SCAMP5: variants seen among roughly 807,000 people sequenced by gnomAD.
The protein encoded by SCAMP5 is secretory carrier-associated membrane protein 5.
In SCAMP5, 7 loss-of-function variants were observed where a neutral mutation model predicts 28.3. The ratio of observed to expected loss-of-function variants is 0.25; its 90% CI spans 0.14 to 0.46. The LOEUF (loss-of-function observed/expected upper bound fraction) is 0.46. Ranked by LOEUF, SCAMP5 falls within the 20% of genes least tolerant of loss-of-function variation. SCAMP5 has a pLI of 0.99. For synonymous variants in SCAMP5, 117 were observed against 116.4 expected, an observed-to-expected ratio of 1.00 and a Z score of -0.03; for missense variants, 192 against 312.5, an observed-to-expected ratio of 0.61 and a Z score of 2.91.
rs947526954 is a variant in SCAMP5, at chr15:75,020,578, T to G, written c.*1595T>G. ...CTCCCTACCACTTTCAGGAGAGTGG[T>G]TTTAGGCCCGTGGGGCTGTTCTGTT... is the stretch of plus-strand genomic sequence containing the variant. On this transcript the variant is annotated 3_prime_UTR_variant, in exon 7 of 7. Coordinates refer to ENST00000425597, the MANE Select transcript of SCAMP5 (RefSeq NM_138967.4). The G allele has an allele frequency of 6.6e-6, 1 of 152,250 alleles. No individual in the cohort carries two copies. The highest frequency in any genetic ancestry group is 1.5e-5 in the Non-Finnish European group (1 of 68,122). 9.4% of individuals were successfully genotyped at this position (152,250 alleles called of 1,614,324 possible).
chr15:75,017,172 A>T (rs991033638), intron 4 of SCAMP5, among the ~76,000 whole-genome samples: 1 of 152,022 alleles, frequency 6.6e-6, no homozygotes, highest in Non-Finnish European at 1.5e-5. Context: ...GCCATGTACC[A>T]TTGACACTGT....
chr15:75,012,626 T>G (rs2065822113), intron 2 of SCAMP5, 51 bp from the exon 3 acceptor site: 4 of 1,610,244 alleles, frequency 2.5e-6, no homozygotes, highest in Non-Finnish European at 3.4e-6. Context: ...GCGTCTTGGA[T>G]TGTCGGGTGG....
chr15:74,998,605 C>CAA (rs746618976), intron 1 of SCAMP5, among the ~76,000 whole-genome samples: 9 of 85,336 alleles, frequency 1.1e-4, no homozygotes, highest in Admixed American at 2.6e-4. Flanking sequence ...AACTCCATCT[C>CAA]AAAAAAAAAA....
In SCAMP5 at chr15:75,012,759, T is replaced by C. The variant is rs1176249237; in HGVS notation, c.90T>C (p.Pro30=). 1 of 1,613,862 alleles carries C rather than the reference T, an allele frequency of 6.2e-7. No homozygotes were observed. The highest frequency in any genetic ancestry group is 1.1e-5 in the South Asian group (1 of 91,074). The part of the protein sequence containing the change: ...CFYQDFEADI[P]PQHVSMTKRL... ...ACCAAGACTTCGAGGCAGATATTCC[T>C]CCCCAGCATGTCAGCATGACCAAGC... The change falls in exon 3 of 7, where the codon CCT becomes CCC. Residue 30 remains proline, a synonymous_variant. Transcript: ENST00000425597.
At chr15:74,999,764 T>G (rs1303683862) in intron 1 of SCAMP5, among the ~76,000 whole-genome samples, 1 of 152,200 alleles carries the variant, frequency 6.6e-6, no homozygotes, top group African/African-American at 2.4e-5. Flanking sequence ...ATCGCGCCAC[T>G]GCACTCCAGC....
At chr15:75,016,802 G>T in intron 4 of SCAMP5, 53 bp downstream of exon 4, 3 of 1,427,532 alleles carry the variant, frequency 2.1e-6, no homozygotes, top group Non-Finnish European at 2.9e-6. Flanking sequence ...CATCTCCCCT[G>T]TCTCTTCTCC....
Position 75,013,038 on chromosome 15 carries a change from C to T in SCAMP5, c.136+233C>T, listed in dbSNP as rs906003766. On this transcript the variant is annotated intron_variant, in intron 3 of 6. Coordinates refer to ENST00000425597, the MANE Select transcript of SCAMP5 (RefSeq NM_138967.4). Reference sequence around the variant, plus strand: ...CCTCCCCCATCTAGGCCTCTCTTCCCTTCCTTCCCCTCCACCCTCCTTTCA... The same window carrying T: ...CCTCCCCCATCTAGGCCTCTCTTCCTTTCCTTCCCCTCCACCCTCCTTTCA... 2.0e-5 allele frequency: 11 copies of T among 541,238 alleles called. No individual in the cohort carries two copies. The African/African-American group carries it at 2.2e-4, about 11-fold the overall frequency. 33.5% of individuals were successfully genotyped at this position (541,238 alleles called of 1,614,324 possible).
intron 4 of SCAMP5, among the ~76,000 whole-genome samples, chr15:75,017,145 G>C (rs1439046842): frequency 2.0e-5 from 3 of 152,050 alleles, no homozygotes. Flanking sequence ...CTATCCATGT[G>C]CCAATGGGAC....
At chr15:75,017,003 C>G (rs1006740385) in intron 4 of SCAMP5, among the ~76,000 whole-genome samples, 3 of 151,882 alleles carry the variant, frequency 2.0e-5, no homozygotes, top group Non-Finnish European at 4.4e-5. Flanking sequence ...ACAGACCAGG[C>G]CTATTTTTTC....
In SCAMP5 at chr15:75,018,990, C is replaced by T; in HGVS notation, c.*7C>T. ...GTACTCCAATGAGATGTGAACCAGCCACGCCTACCAGGTGGCAGAGCTGGG... is the reference window on the plus strand; with the variant it reads ...GTACTCCAATGAGATGTGAACCAGCTACGCCTACCAGGTGGCAGAGCTGGG... On this transcript the variant is annotated 3_prime_UTR_variant, in exon 7 of 7. Coordinates refer to ENST00000425597, the MANE Select transcript of SCAMP5 (RefSeq NM_138967.4). The surrounding 1 kb of genome is among the most constrained non-coding windows in gnomAD (Gnocchi z 5.6). 4.7e-6 allele frequency: 7 copies of T among 1,491,376 alleles called. No individual in the cohort carries two copies. The highest frequency in any genetic ancestry group is 6.2e-6 in the Non-Finnish European group (7 of 1,125,654). The allele number at this position is 1,491,376 out of a possible 1,614,324, so 92.4% of individuals were successfully genotyped here.
intron 3 of SCAMP5, chr15:75,013,102 C>A (rs2065827487): frequency 8.6e-6 from 3 of 348,184 alleles, no homozygotes; most frequent in Non-Finnish European, 1.1e-5. Context: ...GCAGTGTAAT[C>A]CCTGTCTTCT....
At chr15:75,005,298 A>G (rs538155572) in intron 1 of SCAMP5, among the ~76,000 whole-genome samples, 1 of 151,962 alleles carries the variant, frequency 6.6e-6, no homozygotes, top group South Asian at 2.1e-4. Flanking sequence ...CGCCATCTCT[A>G]CTAAAACTAC....
chr15:75,005,079 G>A (rs1175925594), intron 1 of SCAMP5, among the ~76,000 whole-genome samples: 2 of 152,048 alleles, frequency 1.3e-5, no homozygotes, highest in African/African-American at 4.8e-5. Flanking sequence ...GGAGGCTGAG[G>A]CAGGAGAATC....
Position 75,019,243 on chromosome 15 carries a change from C to T in SCAMP5, c.*260C>T, listed in dbSNP as rs573098030. On this transcript the variant is annotated 3_prime_UTR_variant, in exon 7 of 7. Transcript: ENST00000425597. ...GGTAGTAGCTGTGTCTGTGTCCCCT[C>T]GTGAAATAGTGTGCAGTGGAGGTCT... The T allele has an allele frequency of 6.6e-5, 18 of 272,194 alleles. No homozygotes were observed. Among genetic ancestry groups the T allele is most frequent in the African/African-American group, 2.9e-4 (13 of 45,312 alleles). 16.9% of individuals were successfully genotyped at this position (272,194 alleles called of 1,614,324 possible). A position where few individuals can be genotyped will look rare whatever the true frequency, so the allele number is the denominator to read the frequency against.
At chr15:75,017,657 A>G in intron 4 of SCAMP5, 1 of 606,726 alleles carries the variant, frequency 1.6e-6, no homozygotes, top group South Asian at 2.0e-5. Flanking sequence ...TTCATGGGAA[A>G]TCCCTCCCTG....
At position 75,018,741 on chromosome 15, in the gene SCAMP5, C is replaced by G; in HGVS notation, c.514-48C>G. ...GGGTCCCATCTATTTCCTGGATGGG[C>G]TGCCTTTTCTCTTTGATTAACCCTT... On this transcript the variant is annotated intron_variant, in intron 6 of 6. Transcript: ENST00000425597. This position sits in a 1 kb window ranked among gnomAD's most constrained non-coding sequence, Gnocchi z 5.6. 1 of 1,415,200 alleles carries G rather than the reference C, an allele frequency of 7.1e-7. No homozygotes were observed. Among genetic ancestry groups the G allele is most frequent in the Non-Finnish European group, 9.9e-7 (1 of 1,007,018 alleles). 87.7% of individuals were successfully genotyped at this position (1,415,200 alleles called of 1,614,324 possible).
At chr15:75,011,385 C>A (rs74818361) in intron 1 of SCAMP5, among the ~76,000 whole-genome samples, 3,134 of 152,184 alleles carry the variant, frequency 0.021, 99 homozygotes, top group African/African-American at 0.071. Flanking sequence ...ACTCATTCTT[C>A]CAGCACCATA....
In SCAMP5 at chr15:75,018,646, C is replaced by G; in HGVS notation, c.513+111C>G. 3 of 1,029,612 alleles carry G rather than the reference C, an allele frequency of 2.9e-6. No homozygotes were observed. The highest frequency in any genetic ancestry group is 4.6e-6 in the Non-Finnish European group (3 of 649,790). The allele number at this position is 1,029,612 out of a possible 1,614,324, so 63.8% of individuals were successfully genotyped here. A position where few individuals can be genotyped will look rare whatever the true frequency, so the allele number is the denominator to read the frequency against. ...CCCGAGGTCTTCCAAGGGACTCACT[C>G]TGGAATGGCCTGCAGGACTCTCCTA... On this transcript the variant is annotated intron_variant, in intron 6 of 6. Transcript: ENST00000425597. This position sits in a 1 kb window ranked among gnomAD's most constrained non-coding sequence, Gnocchi z 5.6.
chr15:75,002,719 C>T (rs2065721317), intron 1 of SCAMP5, among the ~76,000 whole-genome samples: 1 of 151,556 alleles, frequency 6.6e-6, no homozygotes, highest in South Asian at 2.1e-4. Flanking sequence ...CATTCTTCCC[C>T]AACTATCCTA....
Sources: allele counts gnomAD v4.1 joint callset (sites outside exome capture counted in the v4.1 genomes callset), GRCh38; gene constraint gnomAD v4.1.1; non-coding constraint Gnocchi (gnomAD v3.1); transcripts MANE v1.5; gene names NCBI Gene and HGNC (gene_info 2026-07-23, HGNC 2026-07-21).